The following NHEJ1 variants were observed in gnomAD, a reference collection of about 807,000 sequenced individuals.
The protein encoded by NHEJ1 is non-homologous end-joining factor 1.
In NHEJ1, 22 loss-of-function variants were observed where a neutral mutation model predicts 39.4. The ratio of observed to expected loss-of-function variants is 0.56; its 90% CI spans 0.40 to 0.80. NHEJ1 has a LOEUF of 0.80. Ranked by LOEUF, NHEJ1 falls within the 30% of genes least tolerant of loss-of-function variation. NHEJ1 has a pLI of 0.00. For missense variants in NHEJ1, 329 were observed against 357.1 expected (o/e 0.92, Z 0.63); for synonymous variants, 154 against 135.6 (o/e 1.14, Z -0.94).
rs1948951624 is a variant in NHEJ1, at chr2:219,071,053, G to A, written c.*5328C>T. Among the ~76,000 whole-genome samples, 1 of 152,172 alleles carries A rather than the reference G, an allele frequency of 6.6e-6. No individual in the cohort carries two copies. Among genetic ancestry groups the A allele is most frequent in the Admixed American group, 6.5e-5 (1 of 15,290 alleles). ...GTCTTCCCTTCTCATGTGGCATCAG[G>A]CTTTTTCTGTCTTGAGTAAGGGCTG... On this transcript the variant is annotated 3_prime_UTR_variant, in exon 8 of 8. Transcript: ENST00000356853.
intron 5 of NHEJ1, among the ~76,000 whole-genome samples, chr2:219,145,944 A>T (rs1205838703): frequency 6.8e-6 from 1 of 147,730 alleles, no homozygotes; most frequent in Non-Finnish European, 1.5e-5. Context: ...AAAAAAAATA[A>T]AAAAAAAAAA....
At chr2:219,127,781 T>C (rs1462928186) in intron 5 of NHEJ1, among the ~76,000 whole-genome samples, 1 of 152,250 alleles carries the variant, frequency 6.6e-6, no homozygotes, top group Non-Finnish European at 1.5e-5. Flanking sequence ...CTTTCTTCCT[T>C]ATCTCCTCTT....
At chr2:219,114,726 G>A (rs1949395164) in intron 5 of NHEJ1, among the ~76,000 whole-genome samples, 1 of 152,150 alleles carries the variant, frequency 6.6e-6, no homozygotes, top group Non-Finnish European at 1.5e-5. Flanking sequence ...TGTATCTGGG[G>A]CCCAGACATG....
chr2:219,119,580 C>T (rs1221250637), intron 5 of NHEJ1, among the ~76,000 whole-genome samples: 1 of 152,142 alleles, frequency 6.6e-6, no homozygotes, highest in Admixed American at 6.5e-5. Flanking sequence ...CTGAGTCCTC[C>T]CCGCCACCCT....
intron 5 of NHEJ1, among the ~76,000 whole-genome samples, chr2:219,114,187 C>T (rs1358053172): frequency 1.3e-5 from 2 of 152,222 alleles, no homozygotes; most frequent in Non-Finnish European, 2.9e-5. Context: ...GGACACTTTG[C>T]TTATGAAGGG....
chr2:219,102,631 A>G (rs1949273417), intron 5 of NHEJ1: 1 of 152,104 alleles, frequency 6.6e-6, no homozygotes, highest in Admixed American at 6.5e-5. Flanking sequence ...GGTTGTTAAC[A>G]GAGCAGGTCA....
intron 5 of NHEJ1, among the ~76,000 whole-genome samples, chr2:219,137,518 T>C (rs1258197345): frequency 2.5e-5 from 3 of 119,550 alleles, no homozygotes; most frequent in Non-Finnish European, 4.8e-5. Context: ...TCACAGCACA[T>C]AATGACAGTC....
intron 5 of NHEJ1, among the ~76,000 whole-genome samples, chr2:219,096,494 T>TAAGCTATAA (rs146072673): frequency 0.024 from 3,723 of 152,228 alleles, 154 homozygotes; most frequent in African/African-American, 0.084. Context: ...GCTTATATTA[T>TAAGCTATAA]AGCAGTCAAA....
At chr2:219,100,610 A>T (rs1238864224) in intron 5 of NHEJ1, among the ~76,000 whole-genome samples, 2 of 117,108 alleles carry the variant, frequency 1.7e-5, no homozygotes, top group South Asian at 5.1e-4. Context: ...GACTGTCTTT[A>T]AAAAAAAAAA....
chr2:219,142,945 C>CA (rs1008829790), intron 5 of NHEJ1, among the ~76,000 whole-genome samples: 2 of 152,186 alleles, frequency 1.3e-5, no homozygotes, highest in African/African-American at 4.8e-5. Context: ...AGTGGAAAAA[C>CA]AAAAGGACCA....
At chr2:219,135,239 A>G (rs1353419275) in intron 5 of NHEJ1, among the ~76,000 whole-genome samples, 1 of 152,184 alleles carries the variant, frequency 6.6e-6, no homozygotes, top group African/African-American at 2.4e-5. Context: ...TCAACTGTGT[A>G]AATCTTCACA....
chr2:219,138,665 T>C (rs190377315), intron 5 of NHEJ1, among the ~76,000 whole-genome samples: 1 of 152,276 alleles, frequency 6.6e-6, no homozygotes, highest in Non-Finnish European at 1.5e-5. Context: ...AAACAGTAAG[T>C]ATAATAAAAT....
intron 2 of NHEJ1, among the ~76,000 whole-genome samples, 189 bp downstream of exon 2, chr2:219,157,983 TCTCTCTCTCACACA>T (rs1949871503): frequency 1.4e-5 from 1 of 69,792 alleles, no homozygotes; most frequent in South Asian, 4.8e-4. Context: ...TCTCTCTCTC[TCTCTCTCTCACACA>T]CACACACACA....
rs559926420 is a variant in NHEJ1 at position 219,118,380 on chromosome 2, G to A, written c.588+28300C>T. Among the ~76,000 whole-genome samples, 5 of 114,956 alleles carry A rather than the reference G, an allele frequency of 4.3e-5. No individual in the cohort carries two copies. The South Asian group carries it at 1.1e-3, about 25-fold the overall frequency. 75.4% of individuals were successfully genotyped at this position (114,956 alleles called of 152,430 possible). A position where few individuals can be genotyped will look rare whatever the true frequency, so the allele number is the denominator to read the frequency against. The stretch of plus-strand genomic sequence containing the variant: ...TAACATAGTGGAGAATGGACACTAA[G>A]GAATTCTCCAGTCTCTGGGGTCCAA... On this transcript the variant is annotated intron_variant, in intron 5 of 7. Transcript: ENST00000356853.
At chr2:219,133,618 T>G (rs1302849642) in intron 5 of NHEJ1, among the ~76,000 whole-genome samples, 1 of 152,242 alleles carries the variant, frequency 6.6e-6, no homozygotes, top group Admixed American at 6.5e-5. Flanking sequence ...GAAAATAATA[T>G]AGCTTGTGCT....
At position 219,072,239 on chromosome 2, in the gene NHEJ1, C is replaced by T. The variant is rs1484137974; in HGVS notation, c.*4142G>A. The stretch of plus-strand genomic sequence containing the variant: ...TGCCCTGGACAAGAGCACCCTGTAG[C>T]AGCTTCCAGGGCATCAATGCAGCTG... On this transcript the variant is annotated 3_prime_UTR_variant, in exon 8 of 8. Transcript: ENST00000356853. 1.3e-5 allele frequency among the ~76,000 whole-genome samples: 2 copies of T among 152,210 alleles called. No individual in the cohort carries two copies. The highest frequency in any genetic ancestry group is 2.4e-5 in the African/African-American group (1 of 41,462).
intron 5 of NHEJ1, among the ~76,000 whole-genome samples, 197 bp from the exon 6 acceptor site, chr2:219,078,403 C>G (rs1949034077): frequency 6.6e-6 from 1 of 152,174 alleles, no homozygotes; most frequent in African/African-American, 2.4e-5. Context: ...AGGGCAACTC[C>G]AAATGTATAT....
At chr2:219,142,359 T>A (rs1429256555) in intron 5 of NHEJ1, among the ~76,000 whole-genome samples, 1 of 152,170 alleles carries the variant, frequency 6.6e-6, no homozygotes, top group Non-Finnish European at 1.5e-5. Context: ...TTGCCAGCTG[T>A]AGAGGGCGGG....
chr2:219,098,828 C>T (rs11692085), intron 5 of NHEJ1, among the ~76,000 whole-genome samples: 70,396 of 152,078 alleles, frequency 0.46, 20,450 homozygotes, highest in Non-Finnish European at 0.64. Context: ...AGAAACTAGT[C>T]AGCATGGTTT....
Sources: gnomAD v4.1 joint callset for allele counts (sites outside exome capture counted in the v4.1 genomes callset) on GRCh38, gnomAD v4.1.1 for gene constraint, MANE v1.5 for transcripts, NCBI Gene and HGNC (gene_info 2026-07-23, HGNC 2026-07-21) for gene names.